The following KANSL1L variants were observed in gnomAD, a reference collection of about 807,000 sequenced individuals.
KANSL1L encodes the protein KAT8 regulatory NSL complex subunit 1 like.
Under a neutral mutation model 108.6 loss-of-function variants are expected in KANSL1L, and 25 were observed. The observed-to-expected ratio is 0.23, with a 90% CI of 0.17 to 0.32. The LOEUF (loss-of-function observed/expected upper bound fraction) is 0.32, where lower values mean the gene tolerates loss of function less well. KANSL1L is among the 10% of genes least tolerant of loss of function. The probability of loss-of-function intolerance (pLI) is 1.00; values close to 1 mark genes in which losing one functional copy is unlikely to be tolerated. For synonymous variants in KANSL1L, 405 were observed against 395.1 expected, an observed-to-expected ratio of 1.03 and a Z score of -0.30; for missense variants, 1,137 against 1,125.7, an observed-to-expected ratio of 1.01 and a Z score of -0.14.
chr2:210,081,553 C>G (rs2094590009), intron 5 of KANSL1L, among the ~76,000 whole-genome samples: 1 of 152,192 alleles, frequency 6.6e-6, no homozygotes, highest in Non-Finnish European at 1.5e-5. Flanking sequence ...GCATGATTAT[C>G]TGATTAATCT....
intron 7 of KANSL1L, among the ~76,000 whole-genome samples, chr2:210,042,063 C>T (rs189071791): frequency 6.6e-6 from 1 of 152,264 alleles, no homozygotes; most frequent in Non-Finnish European, 1.5e-5. Context: ...CAATATTATA[C>T]TTATGAGGAG....
At position 210,044,598 on chromosome 2, in the gene KANSL1L, T is replaced by G. The variant is rs535216793; in HGVS notation, c.1756-494A>C. On this transcript the variant is annotated intron_variant, in intron 6 of 14. Coordinates refer to ENST00000281772, the MANE Select transcript of KANSL1L (RefSeq NM_152519.4). The surrounding 1 kb of genome is among the most constrained non-coding windows in gnomAD (Gnocchi z 4.2). ...ATGGATTGCAGGGTTTGTTTTTTTTTGGGGGGGGTATGGTTCTTTATCAGA... is the reference window on the plus strand; with the variant it reads ...ATGGATTGCAGGGTTTGTTTTTTTTGGGGGGGGGTATGGTTCTTTATCAGA... Among the ~76,000 whole-genome samples the G allele has an allele frequency of 3.0e-3, 459 of 151,266 alleles. No homozygotes were observed. The highest frequency in any genetic ancestry group is 8.2e-3 in the African/African-American group (339 of 41,224).
At chr2:210,156,700 CAAGTT>C (rs1450454791) in intron 1 of KANSL1L, among the ~76,000 whole-genome samples, 7 of 151,932 alleles carry the variant, frequency 4.6e-5, no homozygotes, top group East Asian at 3.9e-4. Context: ...GTAGTTGCAT[CAAGTT>C]AAGTTCCATG....
At chr2:210,142,931 G>C (rs2095240595) in intron 2 of KANSL1L, among the ~76,000 whole-genome samples, 1 of 152,202 alleles carries the variant, frequency 6.6e-6, no homozygotes, top group South Asian at 2.1e-4. Context: ...ATGTTGGATG[G>C]AATGTTCTAT....
chr2:210,086,760 T>C (rs974202564), intron 5 of KANSL1L, among the ~76,000 whole-genome samples: 2 of 151,982 alleles, frequency 1.3e-5, no homozygotes, highest in Non-Finnish European at 2.9e-5. Context: ...AATTAGTATA[T>C]AGAATGAGGC....
At chr2:210,106,500 G>A (rs1334924539) in intron 3 of KANSL1L, among the ~76,000 whole-genome samples, 1 of 151,730 alleles carries the variant, frequency 6.6e-6, no homozygotes, top group Admixed American at 6.6e-5. Flanking sequence ...AGGGCATGGT[G>A]GTTTACGCCT....
chr2:210,027,330 T>C lies in KANSL1L; in HGVS notation c.2417A>G (p.Gln806Arg). The C allele has an allele frequency of 6.2e-7, 1 of 1,612,904 alleles. No individual in the cohort carries two copies. The highest frequency in any genetic ancestry group is 8.5e-7 in the Non-Finnish European group (1 of 1,178,992). ...GCCTAAATTATATTCATCCAAAGGC[T>C]GAAGAACAACCATCCTCCAGCTGTT... ...LTPSWRMVVL[Q>R]PLDEYNLGKE... The change falls in exon 12 of 15, where the codon CAG becomes CGG. Residue 806 changes from glutamine (Q) to arginine (R), a missense_variant. Transcript: ENST00000281772.
At chr2:210,071,535 T>G (rs2094507864) in intron 6 of KANSL1L, among the ~76,000 whole-genome samples, 1 of 152,082 alleles carries the variant, frequency 6.6e-6, no homozygotes, top group Admixed American at 6.6e-5. Context: ...TCCCAAAGTG[T>G]TGGGATTACA....
chr2:210,033,193 C>T (rs899461375), intron 8 of KANSL1L, among the ~76,000 whole-genome samples: 3 of 152,134 alleles, frequency 2.0e-5, no homozygotes, highest in Admixed American at 1.3e-4. Context: ...CAATATTAAA[C>T]CCTAAGATTT....
chr2:210,059,580 G>A (rs1300122461), intron 6 of KANSL1L, among the ~76,000 whole-genome samples: 4 of 152,076 alleles, frequency 2.6e-5, no homozygotes, highest in Non-Finnish European at 5.9e-5. Context: ...TTTTCTCACA[G>A]GAATATGTTA....
chr2:210,158,245 C>T (rs1368844466), intron 1 of KANSL1L, among the ~76,000 whole-genome samples: 1 of 152,102 alleles, frequency 6.6e-6, no homozygotes, highest in African/African-American at 2.4e-5. Context: ...TTCCATCTGG[C>T]CACCCTCTCT....
chr2:210,024,261 T>G, intron 13 of KANSL1L, 60 bp from the exon 14 acceptor site: 1 of 1,372,382 alleles, frequency 7.3e-7, no homozygotes, highest in Non-Finnish European at 9.9e-7. Context: ...TGAAAATTTA[T>G]GAACAACCCA....
chr2:210,085,700 TTA>T (rs1427774148), intron 5 of KANSL1L, among the ~76,000 whole-genome samples: 4 of 151,930 alleles, frequency 2.6e-5, no homozygotes, highest in Non-Finnish European at 5.9e-5. Flanking sequence ...TACTATAATT[TTA>T]GTGTCCGCAT....
At chr2:210,117,673 A>G (rs1428942062) in intron 3 of KANSL1L, among the ~76,000 whole-genome samples, 6 of 152,136 alleles carry the variant, frequency 3.9e-5, no homozygotes, top group African/African-American at 1.4e-4. Flanking sequence ...TGAACTTTTC[A>G]CTAGACTAAG....
At chr2:210,097,925 A>C (rs184041453) in intron 5 of KANSL1L, 161 bp downstream of exon 5, 28 of 413,270 alleles carry the variant, frequency 6.8e-5, no homozygotes, top group African/African-American at 3.8e-4. Flanking sequence ...GTGTAAATTT[A>C]ATATTATCAA....
At chr2:210,117,096 C>G (rs1343214639) in intron 3 of KANSL1L, among the ~76,000 whole-genome samples, 1 of 152,032 alleles carries the variant, frequency 6.6e-6, no homozygotes, top group African/African-American at 2.4e-5. Flanking sequence ...ATGCAACTGA[C>G]ATTATGAAGA....
chr2:210,157,732 C>T (rs2095341588), intron 1 of KANSL1L, among the ~76,000 whole-genome samples: 1 of 132,044 alleles, frequency 7.6e-6, no homozygotes, highest in South Asian at 2.6e-4. Context: ...ATACACATGG[C>T]TGGGCACAGT....
intron 3 of KANSL1L, among the ~76,000 whole-genome samples, chr2:210,120,891 A>G (rs988745446): frequency 1.1e-4 from 16 of 152,212 alleles, no homozygotes; most frequent in Non-Finnish European, 1.9e-4. Flanking sequence ...AAATCATATG[A>G]AAAAAAGCTC....
At chr2:210,090,162 C>T (rs559045643) in intron 5 of KANSL1L, among the ~76,000 whole-genome samples, 2 of 152,248 alleles carry the variant, frequency 1.3e-5, no homozygotes. Context: ...CATTATTAGG[C>T]TGTTTCTTAT....
Sources: allele counts gnomAD v4.1 joint callset (sites outside exome capture counted in the v4.1 genomes callset), GRCh38; gene constraint gnomAD v4.1.1; non-coding constraint Gnocchi (gnomAD v3.1); transcripts MANE v1.5; gene names NCBI Gene and HGNC (gene_info 2026-07-23, HGNC 2026-07-21).